The following FUZ variants were observed in gnomAD, a reference collection of about 807,000 sequenced individuals.
The protein encoded by FUZ is fuzzy planar cell polarity protein.
Under a neutral mutation model 43.1 loss-of-function variants are expected in FUZ, and 31 were observed. That is an observed-to-expected ratio of 0.72 (90% confidence interval 0.54 to 0.97). FUZ has a LOEUF of 0.97. Ranked by LOEUF, FUZ falls within the 50% of genes least tolerant of loss-of-function variation. The probability of loss-of-function intolerance (pLI) is 0.00; values close to 1 mark genes in which losing one functional copy is unlikely to be tolerated. For synonymous variants in FUZ, 274 were observed against 250.0 expected (o/e 1.10, Z -0.91); for missense variants, 539 against 543.8 (o/e 0.99, Z 0.09).
upstream of FUZ, chr19:49,813,467 C>A: frequency 2.6e-6 from 1 of 391,750 alleles, no homozygotes; most frequent in Non-Finnish European, 4.9e-6. Flanking sequence ...TAGCCACCAT[C>A]CTGTAGGCTT....
Position 49,813,060 on chromosome 19 carries a change from G to A in FUZ, c.47C>T (p.Ala16Val), listed in dbSNP as rs1006344377. The change falls in exon 1 of 11, where the codon GCG becomes GTG. Residue 16 changes from alanine (A) to valine (V), a missense_variant. By Grantham distance (64) the Ala-to-Val change is moderately conservative. Transcript: ENST00000313777. ...TGGTVHLLCL[A>V]ASSGVPLFCR... Reference sequence around the variant, plus strand: ...GAATAGGGGGACCCCGCTGGAGGCCGCGAGGCACAGCAGATGCACAGTGCC... The same window carrying A: ...GAATAGGGGGACCCCGCTGGAGGCCACGAGGCACAGCAGATGCACAGTGCC... 9.7e-6 allele frequency: 15 copies of A among 1,551,292 alleles called. No homozygotes were observed. The highest frequency in any genetic ancestry group is 1.3e-5 in the Non-Finnish European group (15 of 1,146,976).
At position 49,807,341 on chromosome 19, in the gene FUZ, A is replaced by C; in HGVS notation, c.1067T>G (p.Val356Gly). 19 of 1,613,330 alleles carry C rather than the reference A, an allele frequency of 1.2e-5. No homozygotes were observed. Among genetic ancestry groups the C allele is most frequent in the Non-Finnish European group, 1.4e-5 (17 of 1,179,924 alleles). ...AGCTCTGGGCAGCTGGGCCTGGTAG[A>C]CCTCATCTTCTGTCTTCTCTGGTGG... ...PGPPEKTEDE[V>G]YQAQLPRACY... is the part of the protein sequence containing the mutation. The change falls in exon 11 of 11, where the codon GTC becomes GGC. Residue 356 changes from valine to glycine, a missense_variant. Transcript: ENST00000313777.
chr19:49,813,169 T>A lies in FUZ; in HGVS notation c.-63A>T. 7.2e-7 allele frequency: 1 copy of A among 1,397,696 alleles called. No individual in the cohort carries two copies. Among genetic ancestry groups the A allele is most frequent in the Non-Finnish European group, 9.9e-7 (1 of 1,008,160 alleles). The allele number at this position is 1,397,696 out of a possible 1,614,324, so 86.6% of individuals were successfully genotyped here. A position where few individuals can be genotyped will look rare whatever the true frequency, so the allele number is the denominator to read the frequency against. On this transcript the variant is annotated 5_prime_UTR_variant, in exon 1 of 11. Coordinates refer to ENST00000313777, the MANE Select transcript of FUZ (RefSeq NM_025129.5). ...CAGTGCGGGTCTTGGAGCATGGCGGTAATCAGAGTAACTCGGCCTGTGGTC... is the reference window on the plus strand; with the variant it reads ...CAGTGCGGGTCTTGGAGCATGGCGGAAATCAGAGTAACTCGGCCTGTGGTC...
intron 5 of FUZ, chr19:49,811,124 C>A: frequency 1.7e-6 from 1 of 573,974 alleles, no homozygotes; most frequent in Admixed American, 2.7e-5. Flanking sequence ...GTACTCCAGC[C>A]TGGGCAACAA....
At position 49,809,420 on chromosome 19, in the gene FUZ, G is replaced by C; in HGVS notation, c.648C>G (p.Thr216=). 1.3e-6 allele frequency: 2 copies of C among 1,543,462 alleles called. No individual in the cohort carries two copies. The highest frequency in any genetic ancestry group is 2.4e-5 in the South Asian group (2 of 84,102). The part of the protein sequence containing the change: ...PWLVGSLPPQ[T]ARDYPVYLPH... ...GCAGGTACACCGGGTAGTCGCGAGC[G>C]GTCTGCGGCGGCAGGGACCCCACCA... The change falls in exon 6 of 11, where the codon ACC becomes ACG. Residue 216 remains threonine (T), a synonymous_variant. Transcript: ENST00000313777. The surrounding 1 kb of genome is among the most constrained non-coding windows in gnomAD (Gnocchi z 5.1).
rs545833413 is a variant in FUZ at position 49,809,908 on chromosome 19, C to A, written c.493-333G>T. The stretch of plus-strand genomic sequence containing the variant: ...CATTAGCAACGTAGAGAAGCCAAGT[C>A]ACCTGCTGAGAGTCACATGCCTGGG... On this transcript the variant is annotated intron_variant, in intron 5 of 10. Coordinates refer to ENST00000313777, the MANE Select transcript of FUZ (RefSeq NM_025129.5). The surrounding 1 kb of genome is among the most constrained non-coding windows in gnomAD (Gnocchi z 5.1). The A allele has an allele frequency of 4.8e-4, 208 of 432,468 alleles. No homozygotes were observed. The highest frequency in any genetic ancestry group is 4.0e-3 in the African/African-American group (199 of 49,856). The allele number at this position is 432,468 out of a possible 1,614,324, so 26.8% of individuals were successfully genotyped here. A position where few individuals can be genotyped will look rare whatever the true frequency, so the allele number is the denominator to read the frequency against.
At position 49,808,407 on chromosome 19, in the gene FUZ, C is replaced by A; in HGVS notation, c.1033+7G>T. ...TGCGCAGTGGGAGCACTGTGCCTTCCGCTGACCTGGTGGGAAGTGCGTGGA... is the reference window on the plus strand; with the variant it reads ...TGCGCAGTGGGAGCACTGTGCCTTCAGCTGACCTGGTGGGAAGTGCGTGGA... On this transcript the variant is annotated splice_region_variant and intron_variant, in intron 10 of 10. Coordinates refer to ENST00000313777, the MANE Select transcript of FUZ (RefSeq NM_025129.5). The A allele has an allele frequency of 1.2e-6, 2 of 1,610,654 alleles. No homozygotes were observed. Among genetic ancestry groups the A allele is most frequent in the East Asian group, 2.2e-5 (1 of 44,774 alleles).
chr19:49,813,520 T>A, upstream of FUZ: 1 of 333,676 alleles, frequency 3.0e-6, no homozygotes, highest in South Asian at 2.5e-5. Context: ...TGTGCCCGGA[T>A]CAAAGATTGC....
At position 49,808,626 on chromosome 19, in the gene FUZ, G is replaced by A; in HGVS notation, c.906C>T (p.Leu302=). The change falls in exon 9 of 11, where the codon CTC becomes CTT. Residue 302 remains leucine, a synonymous_variant. Coordinates refer to ENST00000313777, the MANE Select transcript of FUZ (RefSeq NM_025129.5). The part of the protein sequence containing the change: ...LHTDILGLLL[L]HLELKRCLFT... ...AGAGGCAGCGCTTCAGTTCCAGGTG[G>A]AGGAGCAGCAGCCTGTGGGAAAGGG... 1 of 1,613,408 alleles carries A rather than the reference G, an allele frequency of 6.2e-7. No individual in the cohort carries two copies. The highest frequency in any genetic ancestry group is 8.5e-7 in the Non-Finnish European group (1 of 1,179,760).
chr19:49,812,818 C>T (rs775014188), intron 1 of FUZ, 82 bp from the exon 2 acceptor site: 218 of 1,569,244 alleles, frequency 1.4e-4, no homozygotes, highest in Non-Finnish European at 1.8e-4. Context: ...AGCTCCCAGC[C>T]CCATCCTCTT....
In FUZ at chr19:49,807,035, C is replaced by A; in HGVS notation, c.*116G>T. ...GGATGTCTCCTCCCCTCCCACCCCA[C>A]CCTGTTGTAGCCCCTCCTACCCCCT... is the stretch of plus-strand genomic sequence containing the variant. On this transcript the variant is annotated 3_prime_UTR_variant, in exon 11 of 11. Coordinates refer to ENST00000313777, the MANE Select transcript of FUZ (RefSeq NM_025129.5). 2 of 1,526,640 alleles carry A rather than the reference C, an allele frequency of 1.3e-6. No homozygotes were observed. Among genetic ancestry groups the A allele is most frequent in the Non-Finnish European group, 1.8e-6 (2 of 1,139,866 alleles). 94.6% of individuals were successfully genotyped at this position (1,526,640 alleles called of 1,614,324 possible).
chr19:49,812,400 C>A, intron 2 of FUZ, 65 bp from the exon 3 acceptor site: 1 of 1,435,394 alleles, frequency 7.0e-7, no homozygotes, highest in Non-Finnish European at 9.8e-7. Flanking sequence ...ATGTTGGAGT[C>A]CGCCCATTGA....
rs552904239 is a variant in FUZ at position 49,813,108 on chromosome 19, T to C, written c.-2A>G. 9 of 1,550,868 alleles carry C rather than the reference T, an allele frequency of 5.8e-6. No individual in the cohort carries two copies. In the East Asian group the frequency reaches 1.7e-4, roughly 29 times the overall value. ...GCCGCCCGTCCCCTCCTCCCCCATT[T>C]AGGACTCCCACCGCGGTCCCTCACG... On this transcript the variant is annotated 5_prime_UTR_variant, in exon 1 of 11. Coordinates refer to ENST00000313777, the MANE Select transcript of FUZ (RefSeq NM_025129.5).
rs1371641489 is a variant in FUZ, at chr19:49,809,174, A to G, written c.775T>C (p.Leu259=). Residue 259 remains leucine, a synonymous_variant, in exon 7 of 11, where the codon TTG becomes CTG. Transcript: ENST00000313777. The surrounding 1 kb of genome is among the most constrained non-coding windows in gnomAD (Gnocchi z 5.1). Reference sequence around the variant, plus strand: ...TGGCGCGGGTTCACCTGTGGATACAACTGGCTGAGGGGTGGGCTCGGCCCG... The same window carrying G: ...TGGCGCGGGTTCACCTGTGGATACAGCTGGCTGAGGGGTGGGCTCGGCCCG... The part of the protein sequence containing the change: ...LCGPSPPLSQ[L]YPQLLERWWQ... The G allele has an allele frequency of 1.3e-6, 2 of 1,551,794 alleles. No homozygotes were observed. The highest frequency in any genetic ancestry group is 1.2e-5 in the South Asian group (1 of 84,080).
chr19:49,813,121 G>A lies in FUZ; in HGVS notation c.-15C>T, dbSNP rs1172192671. On this transcript the variant is annotated 5_prime_UTR_variant, in exon 1 of 11. Transcript: ENST00000313777. Reference sequence around the variant, plus strand: ...TCCTCCCCCATTTAGGACTCCCACCGCGGTCCCTCACGTGGGGACTGTCAG... The same window carrying A: ...TCCTCCCCCATTTAGGACTCCCACCACGGTCCCTCACGTGGGGACTGTCAG... The A allele has an allele frequency of 1.9e-6, 3 of 1,542,982 alleles. No homozygotes were observed. The Admixed American group carries it at 5.9e-5, about 30-fold the overall frequency.
Position 49,809,184 on chromosome 19 carries a change from GGGTGGGCTCGGCC to G in FUZ, c.752_764del (p.Gly251AlafsTer52). The G allele has an allele frequency of 6.4e-7, 1 of 1,551,794 alleles. No individual in the cohort carries two copies. Among genetic ancestry groups the G allele is most frequent in the Non-Finnish European group, 8.7e-7 (1 of 1,147,180 alleles). On this transcript the variant is annotated frameshift_variant, in exon 7 of 11. Transcript: ENST00000313777. LOFTEE classifies it high-confidence loss of function. This position sits in a 1 kb window ranked among gnomAD's most constrained non-coding sequence, Gnocchi z 5.1. ...TCACCTGTGGATACAACTGGCTGAGGGGTGGGCTCGGCCCGCAGAGTAGACACAGCTCCAGGCT... is the reference window on the plus strand; with the variant it reads ...TCACCTGTGGATACAACTGGCTGAGGCGCAGAGTAGACACAGCTCCAGGCT...
intron 3 of FUZ, 82 bp downstream of exon 3, chr19:49,812,169 C>G (rs1203279811): frequency 4.3e-6 from 4 of 934,628 alleles, no homozygotes; most frequent in Non-Finnish European, 6.9e-6. Context: ...TGTTGGTGGT[C>G]TGCACTCCTA....
At chr19:49,808,990 G>A in intron 7 of FUZ, 167 bp from the exon 8 acceptor site, 4 of 870,248 alleles carry the variant, frequency 4.6e-6, no homozygotes, top group Non-Finnish European at 7.4e-6. Flanking sequence ...AGGCCTGGAA[G>A]AATAGAGGCA....
chr19:49,807,028 C>T lies in FUZ; in HGVS notation c.*123G>A, dbSNP rs1282465452. The T allele has an allele frequency of 1.3e-6, 2 of 1,499,064 alleles. No individual in the cohort carries two copies. The highest frequency in any genetic ancestry group is 1.2e-5 in the South Asian group (1 of 82,524). 92.9% of individuals were successfully genotyped at this position (1,499,064 alleles called of 1,614,324 possible). ...GGGAAGTGGATGTCTCCTCCCCTCC[C>T]ACCCCACCCTGTTGTAGCCCCTCCT... On this transcript the variant is annotated 3_prime_UTR_variant, in exon 11 of 11. Transcript: ENST00000313777.
Sources: gnomAD v4.1 joint callset for allele counts on GRCh38, gnomAD v4.1.1 for gene constraint, Gnocchi (gnomAD v3.1) non-coding constraint, MANE v1.5 for transcripts, NCBI Gene and HGNC (gene_info 2026-07-23, HGNC 2026-07-21) for gene names.